APBB1IP: variants seen among roughly 807,000 people sequenced by gnomAD.
APBB1IP encodes the protein amyloid beta precursor protein binding family B member 1 interacting protein.
APBB1IP carries 27 observed loss-of-function variants against 64.9 expected under a neutral mutation model. That is an observed-to-expected ratio of 0.42 (90% CI 0.31 to 0.57). APBB1IP has a LOEUF of 0.57. Among genes scored for constraint, APBB1IP ranks in the 20% least tolerant of loss-of-function variants. The probability of loss-of-function intolerance (pLI) is 0.20; values close to 1 mark genes in which losing one functional copy is unlikely to be tolerated. For missense variants in APBB1IP, 812 were observed against 845.5 expected, an observed-to-expected ratio of 0.96 and a Z score of 0.49; for synonymous variants, 392 against 331.0, an observed-to-expected ratio of 1.18 and a Z score of -2.00.
intron 8 of APBB1IP, among the ~76,000 whole-genome samples, chr10:26,528,289 A>G (rs1392888445): frequency 6.6e-6 from 1 of 152,178 alleles, no homozygotes; most frequent in Admixed American, 6.5e-5. Context: ...AGTGAACTGC[A>G]TTAACCCCAT....
rs1245012583 is a variant in APBB1IP, at chr10:26,567,161, ACCG to A, written c.1683_1685del (p.Pro562del). On this transcript the variant is annotated inframe_deletion, in exon 15 of 15. Transcript: ENST00000376236. The stretch of plus-strand genomic sequence containing the variant: ...CCGACGACTTCCTGCCGCCGCCGCC[ACCG>A]CCGCCGCCCCTCGATGACCCTGAGC... 7.1e-7 allele frequency: 1 copy of A among 1,402,150 alleles called. No homozygotes were observed. Among genetic ancestry groups the A allele is most frequent in the Non-Finnish European group, 9.2e-7 (1 of 1,087,488 alleles). The allele number at this position is 1,402,150 out of a possible 1,614,324, so 86.9% of individuals were successfully genotyped here.
At chr10:26,443,374 A>G (rs1360963517) in intron 2 of APBB1IP, among the ~76,000 whole-genome samples, 1 of 151,690 alleles carries the variant, frequency 6.6e-6, no homozygotes, top group African/African-American at 2.4e-5. Context: ...CAGTGAGCCA[A>G]AATCATGCCA....
intron 11 of APBB1IP, among the ~76,000 whole-genome samples, chr10:26,544,634 G>A (rs1382574106): frequency 6.6e-6 from 1 of 152,090 alleles, no homozygotes; most frequent in Non-Finnish European, 1.5e-5. Flanking sequence ...CCAGAGCAGG[G>A]GTGTCTGTCA....
intron 2 of APBB1IP, among the ~76,000 whole-genome samples, chr10:26,466,447 G>A (rs1835649208): frequency 6.6e-6 from 1 of 152,160 alleles, no homozygotes; most frequent in Non-Finnish European, 1.5e-5. Context: ...TCTTGAATAT[G>A]AGTAAAGAAA....
chr10:26,567,319 C>T lies in APBB1IP; in HGVS notation c.1832C>T (p.Ala611Val), dbSNP rs1837065755. 7.9e-7 allele frequency: 1 copy of T among 1,259,030 alleles called. No homozygotes were observed. Among genetic ancestry groups the T allele is most frequent in the Non-Finnish European group, 1.0e-6 (1 of 983,702 alleles). The allele number at this position is 1,259,030 out of a possible 1,614,324, so 78.0% of individuals were successfully genotyped here. A position where few individuals can be genotyped will look rare whatever the true frequency, so the allele number is the denominator to read the frequency against. The change falls in exon 15 of 15, where the codon GCC becomes GTC. Residue 611 changes from alanine to valine, a missense_variant. This residue lies in a region of APBB1IP where 381 missense variants were observed against 352.1 expected (regional missense o/e 1.08). Transcript: ENST00000376236. ...CCGCCGCCGCCCGCGCCCGCGCCCG[C>T]CCCCGTCCCCGACTCCGCCAGGCCG... ...PPPPPPAPAP[A>V]PVPDSARPPP...
chr10:26,552,666 G>T (rs1437828828), intron 11 of APBB1IP, among the ~76,000 whole-genome samples: 3 of 151,980 alleles, frequency 2.0e-5, no homozygotes, highest in African/African-American at 7.3e-5. Flanking sequence ...AAAGAAAACG[G>T]AGAACAGGAT....
chr10:26,508,910 A>G (rs191009096), intron 6 of APBB1IP, among the ~76,000 whole-genome samples: 2 of 152,346 alleles, frequency 1.3e-5, no homozygotes, highest in Admixed American at 1.3e-4. Context: ...CATAAAAAAC[A>G]GCAACATATG....
intron 2 of APBB1IP, among the ~76,000 whole-genome samples, chr10:26,471,010 A>T (rs1184508430): frequency 6.6e-6 from 1 of 152,180 alleles, no homozygotes; most frequent in Non-Finnish European, 1.5e-5. Context: ...AGCCTCCTGT[A>T]AGCACTTCAC....
At chr10:26,440,111 C>CCTTA (rs1330089142) in intron 2 of APBB1IP, among the ~76,000 whole-genome samples, 17 of 152,148 alleles carry the variant, frequency 1.1e-4, no homozygotes, top group Non-Finnish European at 2.2e-4. Flanking sequence ...AACTATTAAT[C>CCTTA]CTTAAACTAT....
chr10:26,511,888 T>C lies in APBB1IP; in HGVS notation c.673T>C (p.Tyr225His). ...CNVDWCLYEI[Y>H]PELQIERFFE... is the part of the protein sequence containing the mutation. ...TGTAGACTGGTGTCTTTATGAAATC[T>C]ACCCGGAACTACAAATTGGTAAGTC... Residue 225 changes from tyrosine to histidine, a missense_variant, in exon 7 of 15, where the codon TAC becomes CAC. By Grantham distance (83) the Tyr-to-His change is moderately conservative. Around this residue, in one of 3 missense-constraint regions of APBB1IP, gnomAD observed 394 missense variants for 413.1 expected, o/e 0.95. Coordinates refer to ENST00000376236, the MANE Select transcript of APBB1IP (RefSeq NM_019043.4). The C allele has an allele frequency of 6.2e-7, 1 of 1,614,234 alleles. No homozygotes were observed. Among genetic ancestry groups the C allele is most frequent in the South Asian group, 1.1e-5 (1 of 91,086 alleles).
chr10:26,506,291 A>T (rs1382324664), intron 6 of APBB1IP, among the ~76,000 whole-genome samples: 1 of 145,886 alleles, frequency 6.9e-6, no homozygotes, highest in Non-Finnish European at 1.5e-5. Context: ...TCTGTCACCC[A>T]GGCTGGAGTG....
chr10:26,472,112 A>G (rs1038968915), intron 2 of APBB1IP, among the ~76,000 whole-genome samples: 6 of 152,312 alleles, frequency 3.9e-5, no homozygotes, highest in African/African-American at 1.4e-4. Context: ...GGGGGGAAGA[A>G]AAACAGAAAA....
intron 8 of APBB1IP, among the ~76,000 whole-genome samples, chr10:26,528,998 G>T (rs763912638): frequency 3.3e-5 from 5 of 152,280 alleles, no homozygotes; most frequent in Admixed American, 6.5e-5. Context: ...ATTTCTTCAC[G>T]AACTGATAAC....
intron 8 of APBB1IP, among the ~76,000 whole-genome samples, chr10:26,527,967 C>G (rs1400875047): frequency 2.6e-5 from 4 of 152,132 alleles, no homozygotes; most frequent in African/African-American, 9.7e-5. Context: ...GCTGGGATTA[C>G]AAACATGAGC....
intron 2 of APBB1IP, among the ~76,000 whole-genome samples, chr10:26,478,064 G>T (rs892410838): frequency 2.0e-5 from 3 of 152,142 alleles, no homozygotes; most frequent in African/African-American, 7.2e-5. Flanking sequence ...GCCCTCACCG[G>T]GCTTACACCG....
intron 6 of APBB1IP, among the ~76,000 whole-genome samples, chr10:26,505,919 G>A (rs1836169788): frequency 6.6e-6 from 1 of 151,980 alleles, no homozygotes; most frequent in Non-Finnish European, 1.5e-5. Context: ...CCTCCCAGTG[G>A]CCTCCAGTCC....
intron 10 of APBB1IP, among the ~76,000 whole-genome samples, chr10:26,538,026 A>G (rs1377583786): frequency 6.6e-6 from 1 of 152,144 alleles, no homozygotes; most frequent in Non-Finnish European, 1.5e-5. Flanking sequence ...GGAACTAACT[A>G]GTATATTAAA....
At chr10:26,557,589 T>A (rs11015175) in intron 11 of APBB1IP, among the ~76,000 whole-genome samples, 4 of 152,084 alleles carry the variant, frequency 2.6e-5, no homozygotes, top group Non-Finnish European at 5.9e-5. Flanking sequence ...ACAGAAATTC[T>A]AGGTGGTTAG....
chr10:26,483,321 C>T (rs1282471458), intron 2 of APBB1IP, among the ~76,000 whole-genome samples: 1 of 152,016 alleles, frequency 6.6e-6, no homozygotes, highest in Non-Finnish European at 1.5e-5. Context: ...TAAACTCGAT[C>T]GATTTACTTA....
Sources: allele counts gnomAD v4.1 joint callset (sites outside exome capture counted in the v4.1 genomes callset), GRCh38; gene constraint gnomAD v4.1.1; regional missense constraint gnomAD v4.1.1; transcripts MANE v1.5; gene names NCBI Gene and HGNC (gene_info 2026-07-23, HGNC 2026-07-21).